CPM: variants seen among roughly 807,000 people sequenced by gnomAD.
CPM encodes the protein carboxypeptidase M.
Under a neutral mutation model 46.4 loss-of-function variants are expected in CPM, and 35 were observed. The observed-to-expected ratio is 0.75, with a 90% confidence interval of 0.58 to 1.00. The LOEUF is 1.00. CPM is among the 50% of genes least tolerant of loss of function. The probability of loss-of-function intolerance (pLI) is 0.00; values close to 1 mark genes in which losing one functional copy is unlikely to be tolerated. For synonymous variants in CPM, 195 were observed against 195.3 expected (o/e 1.00, Z 0.01); for missense variants, 422 against 530.4 (o/e 0.80, Z 2.01).
chr12:68,910,195 GACTCATCAA>G (rs2136290967), intron 2 of CPM, among the ~76,000 whole-genome samples: 2 of 152,162 alleles, frequency 1.3e-5, no homozygotes, highest in African/African-American at 4.8e-5. Context: ...ATGACCTAAA[GACTCATCAA>G]TATGGAAATG....
At chr12:68,947,502 C>A (rs1169821062) in intron 1 of CPM, among the ~76,000 whole-genome samples, 1 of 151,594 alleles carries the variant, frequency 6.6e-6, no homozygotes, top group African/African-American at 2.4e-5. Context: ...GAGGCTGAGG[C>A]AGAAGAATCA....
chr12:68,871,620 G>A (rs1001945431), intron 4 of CPM, 164 bp downstream of exon 4: 39 of 723,322 alleles, frequency 5.4e-5, no homozygotes, highest in Middle Eastern at 3.3e-4. Context: ...CCTGCAAGCC[G>A]GAGGCAGCCC....
chr12:68,867,266 G>A (rs2136226955), intron 6 of CPM, among the ~76,000 whole-genome samples: 1 of 152,340 alleles, frequency 6.6e-6, no homozygotes, highest in African/African-American at 2.4e-5. Flanking sequence ...AGAGCTGACT[G>A]AAGTTCAACT....
At chr12:68,940,167 C>T (rs1316384520) in intron 1 of CPM, among the ~76,000 whole-genome samples, 1 of 151,060 alleles carries the variant, frequency 6.6e-6, no homozygotes, top group East Asian at 1.9e-4. Flanking sequence ...TTGAGATTTG[C>T]AGAAAAATTG....
chr12:68,902,193 A>G (rs891435540), intron 2 of CPM, among the ~76,000 whole-genome samples: 1 of 152,208 alleles, frequency 6.6e-6, no homozygotes, highest in African/African-American at 2.4e-5. Flanking sequence ...GAATATGAGC[A>G]TACTATCATT....
At chr12:68,895,183 T>G (rs1168815582) in intron 2 of CPM, among the ~76,000 whole-genome samples, 1 of 152,048 alleles carries the variant, frequency 6.6e-6, no homozygotes, top group Non-Finnish European at 1.5e-5. Context: ...ACCTCAGTGG[T>G]GGGTTGTATT....
rs563831815 is a variant in CPM, at chr12:68,915,094, G to A, written c.160+17584C>T. ...TTTTAGATAGCTTCCCAAGGACAGCGAACAGAATGTCCTATGGAAACATAG... is the reference window on the plus strand; with the variant it reads ...TTTTAGATAGCTTCCCAAGGACAGCAAACAGAATGTCCTATGGAAACATAG... On this transcript the variant is annotated intron_variant, in intron 2 of 8. Transcript: ENST00000551568. 3.9e-5 allele frequency among the ~76,000 whole-genome samples: 6 copies of A among 151,944 alleles called. No individual in the cohort carries two copies. In the East Asian group the frequency reaches 5.8e-4, roughly 15 times the overall value.
intron 1 of CPM, among the ~76,000 whole-genome samples, chr12:68,945,823 TTTTTC>T (rs1191707672): frequency 6.6e-6 from 1 of 151,548 alleles, no homozygotes; most frequent in Non-Finnish European, 1.5e-5. Context: ...GGCTAGAATT[TTTTTC>T]TTTTCTTTTC....
intron 3 of CPM, among the ~76,000 whole-genome samples, chr12:68,873,524 G>C (rs1233168754): frequency 6.6e-6 from 1 of 151,998 alleles, no homozygotes; most frequent in Non-Finnish European, 1.5e-5. Flanking sequence ...AATTAGCCAG[G>C]CATGGTGACA....
At chr12:68,883,435 C>T (rs1162763033) in intron 3 of CPM, among the ~76,000 whole-genome samples, 8 of 152,122 alleles carry the variant, frequency 5.3e-5, no homozygotes, top group Admixed American at 5.2e-4. Context: ...TTACTAGCCC[C>T]ATAGAGCCCC....
chr12:68,914,004 C>G, intron 2 of CPM: 1 of 718,288 alleles, frequency 1.4e-6, no homozygotes, highest in Non-Finnish European at 2.6e-6. Flanking sequence ...CAAAGAAAAC[C>G]TCAAGGACTG....
intron 2 of CPM, among the ~76,000 whole-genome samples, chr12:68,892,032 C>T (rs931979465): frequency 3.9e-5 from 6 of 152,074 alleles, no homozygotes; most frequent in Admixed American, 2.0e-4. Flanking sequence ...CCACTTCACG[C>T]GGCTGGAAAT....
At chr12:68,910,120 T>C (rs927835287) in intron 2 of CPM, among the ~76,000 whole-genome samples, 2 of 152,224 alleles carry the variant, frequency 1.3e-5, no homozygotes, top group African/African-American at 2.4e-5. Context: ...TGGGAAATTA[T>C]GGAGCTAATG....
At chr12:68,884,110 G>GAAAA (rs35514888) in intron 3 of CPM, among the ~76,000 whole-genome samples, 10 of 63,858 alleles carry the variant, frequency 1.6e-4, no homozygotes, top group African/African-American at 2.5e-4. Flanking sequence ...AATTCCATCG[G>GAAAA]AAAAAAAAAA....
intron 1 of CPM, among the ~76,000 whole-genome samples, chr12:68,941,205 A>T (rs1144962): frequency 7.0e-6 from 1 of 143,128 alleles, no homozygotes; most frequent in Non-Finnish European, 1.5e-5. Context: ...GTGTGTGTGT[A>T]TATAAAGCTA....
chr12:68,929,700 G>A (rs1373496852), intron 2 of CPM, among the ~76,000 whole-genome samples: 1 of 152,118 alleles, frequency 6.6e-6, no homozygotes, highest in Non-Finnish European at 1.5e-5. Flanking sequence ...TGGTTTTATA[G>A]TATCCCTGTT....
At chr12:68,913,670 G>A (rs1200016691) in intron 2 of CPM, 2 of 336,734 alleles carry the variant, frequency 5.9e-6, no homozygotes, top group Non-Finnish European at 5.8e-6. Flanking sequence ...ACATTCACCT[G>A]CAGAGGGCAC....
chr12:68,960,953 A>T (rs1447299974), intron 1 of CPM, among the ~76,000 whole-genome samples: 1 of 152,168 alleles, frequency 6.6e-6, no homozygotes, highest in African/African-American at 2.4e-5. Flanking sequence ...TTTTTAGTAT[A>T]CCAGTCAGGC....
At chr12:68,929,337 G>T (rs570281863) in intron 2 of CPM, among the ~76,000 whole-genome samples, 1 of 152,230 alleles carries the variant, frequency 6.6e-6, no homozygotes, top group South Asian at 2.1e-4. Flanking sequence ...ATAGATTATT[G>T]ATTATGTGCC....
Sources: allele counts gnomAD v4.1 joint callset (sites outside exome capture counted in the v4.1 genomes callset), GRCh38; gene constraint gnomAD v4.1.1; transcripts MANE v1.5; gene names NCBI Gene and HGNC (gene_info 2026-07-23, HGNC 2026-07-21).